The following COBL variants were observed in gnomAD, a reference collection of about 807,000 sequenced individuals.
COBL encodes protein cordon-bleu.
COBL carries 51 observed loss-of-function variants against 98.8 expected under a neutral mutation model. The observed-to-expected ratio is 0.52, with a 90% CI of 0.41 to 0.65. The LOEUF is 0.65. Ranked by LOEUF, COBL falls within the 30% of genes least tolerant of loss-of-function variation. The probability of loss-of-function intolerance (pLI) is 0.00; values close to 1 mark genes in which losing one functional copy is unlikely to be tolerated. For missense variants in COBL, 1,617 were observed against 1,617.5 expected (o/e 1.00, Z 0.01); for synonymous variants, 634 against 651.7 (o/e 0.97, Z 0.41).
chr7:51,174,073 A>G (rs1444119406), intron 5 of COBL, among the ~76,000 whole-genome samples: 3 of 152,162 alleles, frequency 2.0e-5, no homozygotes, highest in Non-Finnish European at 4.4e-5. Context: ...GATTTTACAA[A>G]TTATTTTAAA....
At chr7:51,023,947 A>G (rs1311353004) in intron 12 of COBL, among the ~76,000 whole-genome samples, 1 of 152,242 alleles carries the variant, frequency 6.6e-6, no homozygotes, top group African/African-American at 2.4e-5. Flanking sequence ...AAGTGAGGAT[A>G]ATCTTTAGCA....
At chr7:51,140,506 A>T (rs1021833945) in intron 5 of COBL, among the ~76,000 whole-genome samples, 7 of 152,180 alleles carry the variant, frequency 4.6e-5, no homozygotes, top group Non-Finnish European at 7.3e-5. Flanking sequence ...CCTAATTTTA[A>T]ATTTACACAC....
intron 5 of COBL, among the ~76,000 whole-genome samples, chr7:51,142,679 C>T (rs927121154): frequency 6.6e-5 from 10 of 152,202 alleles, no homozygotes; most frequent in South Asian, 2.1e-4. Context: ...CTACAGCGCC[C>T]GAGCTGGTAT....
chr7:51,143,700 C>T (rs1324167893), intron 5 of COBL, among the ~76,000 whole-genome samples: 2 of 152,184 alleles, frequency 1.3e-5, no homozygotes, highest in Admixed American at 6.5e-5. Context: ...GTTTCTAAAA[C>T]GTGTACCAAA....
chr7:51,203,752 A>G (rs1791391011), intron 2 of COBL, among the ~76,000 whole-genome samples: 1 of 152,160 alleles, frequency 6.6e-6, no homozygotes, highest in Non-Finnish European at 1.5e-5. Flanking sequence ...CACAAACGGA[A>G]AAGTCCAGGA....
chr7:51,107,389 A>G (rs1796408848), intron 6 of COBL, among the ~76,000 whole-genome samples: 2 of 152,108 alleles, frequency 1.3e-5, no homozygotes, highest in African/African-American at 2.4e-5. Context: ...ACCCAGCCCT[A>G]GTATTTTTAA....
chr7:51,170,442 TCTTG>T (rs1787740240), intron 5 of COBL, among the ~76,000 whole-genome samples: 1 of 149,912 alleles, frequency 6.7e-6, no homozygotes, highest in Non-Finnish European at 1.5e-5. Context: ...TTTTCCTTAT[TCTTG>T]CTTATTTTTC....
At chr7:51,154,843 T>G (rs1028907141) in intron 5 of COBL, among the ~76,000 whole-genome samples, 4 of 152,252 alleles carry the variant, frequency 2.6e-5, no homozygotes, top group African/African-American at 9.6e-5. Context: ...GTGTAACTTT[T>G]GCTTACACTA....
At chr7:51,123,924 A>G (rs1797967805) in intron 6 of COBL, among the ~76,000 whole-genome samples, 2 of 152,172 alleles carry the variant, frequency 1.3e-5, no homozygotes, top group African/African-American at 4.8e-5. Context: ...GGATTGAATC[A>G]GCATCAATGC....
intron 1 of COBL, among the ~76,000 whole-genome samples, chr7:51,237,890 G>A (rs552278015): frequency 7.2e-5 from 11 of 152,318 alleles, no homozygotes; most frequent in Admixed American, 6.5e-4. Flanking sequence ...TCTGAAGGCT[G>A]GGAGCTGTCT....
chr7:51,253,540 C>T (rs1248786270), intron 1 of COBL, among the ~76,000 whole-genome samples: 2 of 152,198 alleles, frequency 1.3e-5, no homozygotes, highest in Admixed American at 6.5e-5. Flanking sequence ...GGTATCATTG[C>T]TATTTATTTT....
intron 1 of COBL, among the ~76,000 whole-genome samples, chr7:51,306,262 G>A (rs545248099): frequency 1.1e-4 from 17 of 152,166 alleles, no homozygotes; most frequent in Middle Eastern, 3.4e-3. Flanking sequence ...TAGAAGCCCC[G>A]ATACTGACTA....
chr7:51,229,631 C>A (rs1212360447), intron 1 of COBL, among the ~76,000 whole-genome samples: 2 of 152,202 alleles, frequency 1.3e-5, no homozygotes, highest in Admixed American at 6.5e-5. Flanking sequence ...TAAAGCAATT[C>A]TTGCCACCTC....
At chr7:51,198,871 T>C (rs943355317) in intron 2 of COBL, among the ~76,000 whole-genome samples, 2 of 152,194 alleles carry the variant, frequency 1.3e-5, no homozygotes, top group Non-Finnish European at 2.9e-5. Context: ...GGGATCCAGA[T>C]AGGAGGTTGT....
intron 8 of COBL, chr7:51,032,093 CTA>C (rs1285160898): frequency 6.6e-6 from 1 of 152,202 alleles, no homozygotes; most frequent in Non-Finnish European, 1.5e-5. Flanking sequence ...AGTGATGAAA[CTA>C]TGTACGGAGA....
At chr7:51,031,302 A>T (rs1788119087) in intron 8 of COBL, 1 of 183,806 alleles carries the variant, frequency 5.4e-6, no homozygotes, top group Non-Finnish European at 1.1e-5. Context: ...GTGATCCAGG[A>T]TTTGCTTGCA....
intron 10 of COBL, 24 bp downstream of exon 10, chr7:51,027,688 T>C: frequency 1.9e-6 from 3 of 1,588,554 alleles, no homozygotes; most frequent in Non-Finnish European, 2.6e-6. Context: ...GTGGAAGGCC[T>C]GCCCCGGAAG....
chr7:51,177,827 A>G (rs901764446), intron 5 of COBL, among the ~76,000 whole-genome samples: 1 of 151,492 alleles, frequency 6.6e-6, no homozygotes, highest in South Asian at 2.1e-4. Context: ...AAAATTTAAA[A>G]GGTTATAAAA....
intron 6 of COBL, among the ~76,000 whole-genome samples, chr7:51,107,248 C>A (rs1198509185): frequency 6.6e-6 from 1 of 151,958 alleles, no homozygotes; most frequent in Non-Finnish European, 1.5e-5. Context: ...GCGCACGCCA[C>A]CATGCCCAGC....
Sources: gnomAD v4.1 joint callset for allele counts (sites outside exome capture counted in the v4.1 genomes callset) on GRCh38, gnomAD v4.1.1 for gene constraint, MANE v1.5 for transcripts, NCBI Gene and HGNC (gene_info 2026-07-23, HGNC 2026-07-21) for gene names.